KLHL13: variants seen among roughly 807,000 people sequenced by gnomAD.
KLHL13 encodes kelch like family member 13, also known as kelch-like protein 13.
A neutral mutation model predicts 37.1 loss-of-function variants in KLHL13; 10 were observed. The ratio of observed to expected loss-of-function variants is 0.27; its 90% CI spans 0.17 to 0.46. The LOEUF (loss-of-function observed/expected upper bound fraction) is 0.46, where lower values mean the gene tolerates loss of function less well. Ranked by LOEUF, KLHL13 falls within the 20% of genes least tolerant of loss-of-function variation. KLHL13 has a pLI of 1.00. For synonymous variants in KLHL13, 163 were observed against 181.2 expected, an observed-to-expected ratio of 0.90 and a Z score of 0.81; for missense variants, 360 against 509.3, an observed-to-expected ratio of 0.71 and a Z score of 2.82.
At chrX:118,013,620 T>C (rs921521953) in intron 1 of KLHL13, among the ~76,000 whole-genome samples, 3 of 110,620 alleles carry the variant, frequency 2.7e-5, no homozygotes, top group African/African-American at 9.9e-5. Context: ...AAAATGTACA[T>C]TAAAGGGAGT....
chrX:117,985,481 C>T (rs1365892172), intron 1 of KLHL13: 2 of 422,058 alleles, frequency 4.7e-6, no homozygotes, highest in African/African-American at 5.6e-5. Context: ...TACTGCATAC[C>T]TTCCCTTGAT....
intron 1 of KLHL13, among the ~76,000 whole-genome samples, chrX:118,051,528 G>A (rs2054613914): frequency 9.1e-6 from 1 of 110,331 alleles, no homozygotes; most frequent in Non-Finnish European, 1.9e-5. Context: ...GCGACAGAGT[G>A]AGACTTCATC....
chrX:117,905,964 C>A (rs950941828), intron 5 of KLHL13, among the ~76,000 whole-genome samples: 2 of 111,197 alleles, frequency 1.8e-5, no homozygotes, highest in African/African-American at 6.5e-5. Flanking sequence ...TATATACAGG[C>A]AATAGTTACT....
intron 2 of KLHL13, among the ~76,000 whole-genome samples, chrX:117,943,034 C>G (rs1434513790): frequency 1.8e-5 from 2 of 111,142 alleles, no homozygotes; most frequent in African/African-American, 6.6e-5. Context: ...GTGACAAAAT[C>G]TCTCAGCATT....
intron 1 of KLHL13, among the ~76,000 whole-genome samples, chrX:118,095,470 T>C (rs1463200595): frequency 9.0e-6 from 1 of 111,045 alleles, no homozygotes; most frequent in African/African-American, 3.3e-5. Context: ...CTGTCAACAT[T>C]AGACAGATTA....
chrX:118,029,186 CAA>C (rs1386551310), intron 1 of KLHL13, among the ~76,000 whole-genome samples: 3 of 111,127 alleles, frequency 2.7e-5, no homozygotes, highest in Non-Finnish European at 5.7e-5. Context: ...TTGGGTTAGA[CAA>C]GAGAAGTTAG....
intron 1 of KLHL13, among the ~76,000 whole-genome samples, chrX:117,968,600 G>A (rs968962189): frequency 7.2e-5 from 8 of 111,623 alleles, no homozygotes; most frequent in African/African-American, 2.6e-4. Context: ...AAATTAAGTA[G>A]ACACAAAGCA....
rs181627966 is a variant in KLHL13, at chrX:117,986,497, G to A, written c.-55-40922C>T. Among the ~76,000 whole-genome samples, 586 of 111,836 alleles carry A rather than the reference G, an allele frequency of 5.2e-3. 1 individual carries two copies. Among genetic ancestry groups the A allele is most frequent in the Non-Finnish European group, 8.7e-3 (460 of 53,080 alleles). ...GGCTATGAGAAACAATCTGTTGAAT[G>A]AGTAGATCAATCAAATAATTAATCA... On this transcript the variant is annotated intron_variant, in intron 1 of 6. Transcript: ENST00000371882.
At chrX:118,034,186 A>T (rs1255608563) in intron 1 of KLHL13, among the ~76,000 whole-genome samples, 2,459 of 102,308 alleles carry the variant, frequency 0.024, 134 homozygotes, top group African/African-American at 0.097. Flanking sequence ...GATCAACGAG[A>T]CAGAAAGTTA....
Position 118,013,623 on chromosome X carries a change from A to G in KLHL13, c.-55-68048T>C, listed in dbSNP as rs761899931. Among the ~76,000 whole-genome samples, 17 of 111,981 alleles carry G rather than the reference A, an allele frequency of 1.5e-4. No homozygotes were observed. The South Asian group carries it at 6.0e-3, about 40-fold the overall frequency. ...AATGTGACAAACAAAATGTACATTA[A>G]AGGGAGTAAAGAGAGGATTTGACAC... On this transcript the variant is annotated intron_variant, in intron 1 of 6. Coordinates refer to the KLHL13 transcript ENST00000371882.
intron 1 of KLHL13, among the ~76,000 whole-genome samples, chrX:118,031,977 G>A (rs1382593071): frequency 9.1e-6 from 1 of 110,457 alleles, no homozygotes; most frequent in East Asian, 2.9e-4. Flanking sequence ...AGAAAGGGGT[G>A]ACAGACCGCA....
Position 118,092,088 on chromosome X carries a change from G to T in KLHL13, c.-56+24420C>A, listed in dbSNP as rs184007865. On this transcript the variant is annotated intron_variant, in intron 1 of 6. Transcript: ENST00000371882. ...GGGATGGGGGTGGCAAGGGATAAAAGACTTCACACTGGGTACAGTGTACAC... is the reference window on the plus strand; with the variant it reads ...GGGATGGGGGTGGCAAGGGATAAAATACTTCACACTGGGTACAGTGTACAC... Among the ~76,000 whole-genome samples, 8 of 111,675 alleles carry T rather than the reference G, an allele frequency of 7.2e-5. No homozygotes were observed. The Admixed American group carries it at 7.6e-4, about 11-fold the overall frequency.
At chrX:118,096,413 G>A (rs149506967) in intron 1 of KLHL13, among the ~76,000 whole-genome samples, 1,943 of 111,549 alleles carry the variant, frequency 0.017, 43 homozygotes, top group African/African-American at 0.057. Flanking sequence ...CCAATAACAG[G>A]CTCTGAAATT....
chrX:118,085,238 C>G (rs962962452), intron 1 of KLHL13, among the ~76,000 whole-genome samples: 1 of 110,608 alleles, frequency 9.0e-6, no homozygotes, highest in Admixed American at 9.7e-5. Flanking sequence ...ATAACTAAGA[C>G]GAACATTGAA....
At chrX:117,970,841 C>A (rs2053511489) in intron 1 of KLHL13, among the ~76,000 whole-genome samples, 2 of 111,388 alleles carry the variant, frequency 1.8e-5, no homozygotes, top group Non-Finnish European at 1.9e-5. Flanking sequence ...AAGTTAAGAC[C>A]AATTCAATAA....
At chrX:118,100,260 G>C (rs1166356109) in intron 1 of KLHL13, among the ~76,000 whole-genome samples, 1 of 111,719 alleles carries the variant, frequency 9.0e-6, no homozygotes. Context: ...TCTCCGAATG[G>C]CTGGCAAAAT....
chrX:118,051,049 T>C (rs1481292541), intron 1 of KLHL13, among the ~76,000 whole-genome samples: 1 of 110,840 alleles, frequency 9.0e-6, no homozygotes, highest in African/African-American at 3.3e-5. Flanking sequence ...AATGCAAAAG[T>C]ATCAACTGAA....
At chrX:118,094,094 G>A (rs190864533) in intron 1 of KLHL13, among the ~76,000 whole-genome samples, 73 of 109,698 alleles carry the variant, frequency 6.7e-4, no homozygotes, top group African/African-American at 2.3e-3. Flanking sequence ...AAAGGAGGAA[G>A]TTCGAACCTC....
intron 1 of KLHL13, among the ~76,000 whole-genome samples, chrX:118,031,646 T>C (rs1008206555): frequency 5.0e-5 from 5 of 100,592 alleles, no homozygotes; most frequent in African/African-American, 1.4e-4. Context: ...TAGTTATATA[T>C]ATATATTTAG....
Sources: allele counts gnomAD v4.1 joint callset (sites outside exome capture counted in the v4.1 genomes callset), GRCh38; gene constraint gnomAD v4.1.1; transcripts MANE v1.5; gene names NCBI Gene and HGNC (gene_info 2026-07-23, HGNC 2026-07-21).